Variants in SCGB1D2 observed in about 807,000 individuals in gnomAD.
SCGB1D2 encodes lipophilin-B.
In SCGB1D2, 10 loss-of-function variants were observed where a neutral mutation model predicts 10.5. The observed-to-expected ratio is 0.95, with a 90% confidence interval of 0.59 to 1.61. The LOEUF is 1.61. SCGB1D2 is among the 40% of genes most tolerant of loss of function. SCGB1D2 has a pLI of 0.00. For missense variants in SCGB1D2, 113 were observed against 103.8 expected, an observed-to-expected ratio of 1.09 and a Z score of -0.38; for synonymous variants, 42 against 42.8, an observed-to-expected ratio of 0.98 and a Z score of 0.08.
intron 2 of SCGB1D2, among the ~76,000 whole-genome samples, chr11:62,244,331 C>T (rs914582037): frequency 5.3e-5 from 8 of 152,140 alleles, no homozygotes; most frequent in Non-Finnish European, 1.2e-4. Flanking sequence ...AGTCCTGGGT[C>T]CCTCACTGCA....
intron 2 of SCGB1D2, 82 bp from the exon 3 acceptor site, chr11:62,244,588 C>A: frequency 7.7e-7 from 1 of 1,305,842 alleles, no homozygotes; most frequent in Admixed American, 1.8e-5. Flanking sequence ...GGGCAGAATC[C>A]CACTGGCCTC....
chr11:62,243,622 G>A (rs1945084057), intron 2 of SCGB1D2, 146 bp downstream of exon 2: 3 of 665,570 alleles, frequency 4.5e-6, no homozygotes, highest in African/African-American at 3.6e-5. Context: ...GGGCCACAGG[G>A]TGGGTGCCAC....
chr11:62,242,584 ATTC>A (rs1945072140), intron 1 of SCGB1D2, among the ~76,000 whole-genome samples: 1 of 152,204 alleles, frequency 6.6e-6, no homozygotes, highest in Admixed American at 6.5e-5. Context: ...AATATTAGGA[ATTC>A]TTCTGCCTGA....
intron 1 of SCGB1D2, among the ~76,000 whole-genome samples, chr11:62,243,049 G>A (rs1401760189): frequency 6.6e-6 from 1 of 152,176 alleles, no homozygotes; most frequent in African/African-American, 2.4e-5. Context: ...CCATGATTGA[G>A]CTACTGAATT....
At chr11:62,243,161 A>T in intron 1 of SCGB1D2, 128 bp from the exon 2 acceptor site, 1 of 681,472 alleles carries the variant, frequency 1.5e-6, no homozygotes, top group South Asian at 2.2e-5. Flanking sequence ...AGGGTCTGGC[A>T]TTGTCATCAG....
At chr11:62,242,387 G>C (rs748661408) in intron 1 of SCGB1D2, 25 bp downstream of exon 1, 2 of 1,613,216 alleles carry the variant, frequency 1.2e-6, no homozygotes, top group Non-Finnish European at 1.7e-6. Flanking sequence ...CATGAGTCTA[G>C]CTCCAGCCCC....
chr11:62,244,659 T>C lies in SCGB1D2; in HGVS notation c.244-11T>C. 4 of 1,612,684 alleles carry C rather than the reference T, an allele frequency of 2.5e-6. No individual in the cohort carries two copies. The highest frequency in any genetic ancestry group is 4.5e-5 in the East Asian group (2 of 44,868). The stretch of plus-strand genomic sequence containing the variant: ...ACTGACCCCACCTTCTTTTTTCTTT[T>C]CCTATTTTAGGTGAAAATATTGAAG... On this transcript the variant is annotated splice_polypyrimidine_tract_variant and intron_variant, in intron 2 of 2. Coordinates refer to ENST00000244926, the MANE Select transcript of SCGB1D2 (RefSeq NM_006551.4).
chr11:62,243,403 C>A lies in SCGB1D2; in HGVS notation c.170C>A (p.Ala57Glu), dbSNP rs146321572. 6.2e-7 allele frequency: 1 copy of A among 1,614,134 alleles called. No homozygotes were observed. The highest frequency in any genetic ancestry group is 2.2e-5 in the East Asian group (1 of 44,890). Reference protein sequence around the residue: ...AKFDAPPEAVAAKLGVKRCTD... With the variant: ...AKFDAPPEAVEAKLGVKRCTD... ...TTTGATGCCCCTCCGGAAGCTGTTG[C>A]AGCCAAGTTAGGAGTGAAGAGATGC... is the stretch of plus-strand genomic sequence containing the variant. The change falls in exon 2 of 3, where the codon GCA becomes GAA. Residue 57 changes from alanine (A) to glutamate (E), a missense_variant. Ala to Glu is a moderately radical substitution (Grantham distance 107). Coordinates refer to ENST00000244926, the MANE Select transcript of SCGB1D2 (RefSeq NM_006551.4).
rs1945078783 is a variant in SCGB1D2 at position 62,243,277 on chromosome 11, C to A, written c.56-12C>A. 1 of 1,606,774 alleles carries A rather than the reference C, an allele frequency of 6.2e-7. No homozygotes were observed. Among genetic ancestry groups the A allele is most frequent in the Non-Finnish European group, 8.5e-7 (1 of 1,175,566 alleles). ...TCCTAACATCAACTATATTTTTATTCTTTTGCTGCAGCCAATGCCGAGTTC... is the reference window on the plus strand; with the variant it reads ...TCCTAACATCAACTATATTTTTATTATTTTGCTGCAGCCAATGCCGAGTTC... On this transcript the variant is annotated splice_polypyrimidine_tract_variant and intron_variant, in intron 1 of 2. Transcript: ENST00000244926.
intron 1 of SCGB1D2, 46 bp downstream of exon 1, chr11:62,242,408 C>T: frequency 1.9e-6 from 3 of 1,598,634 alleles, no homozygotes; most frequent in South Asian, 1.1e-5. Flanking sequence ...TGGGAAGCAC[C>T]CTCTTCCAAG....
chr11:62,243,399 G>C lies in SCGB1D2; in HGVS notation c.166G>C (p.Val56Leu). 6.2e-7 allele frequency: 1 copy of C among 1,614,146 alleles called. No homozygotes were observed. Among genetic ancestry groups the C allele is most frequent in the Non-Finnish European group, 8.5e-7 (1 of 1,179,990 alleles). Residue 56 changes from valine (V) to leucine (L), a missense_variant, in exon 2 of 3, where the codon GTT becomes CTT. Physicochemically the swap from Val to Leu is conservative, Grantham distance 32 (BLOSUM62 1). Coordinates refer to ENST00000244926, the MANE Select transcript of SCGB1D2 (RefSeq NM_006551.4). Reference sequence around the variant, plus strand: ...CAAATTTGATGCCCCTCCGGAAGCTGTTGCAGCCAAGTTAGGAGTGAAGAG... The same window carrying C: ...CAAATTTGATGCCCCTCCGGAAGCTCTTGCAGCCAAGTTAGGAGTGAAGAG... ...LAKFDAPPEA[V>L]AAKLGVKRCT...
Position 62,244,681 on chromosome 11 carries a change from G to A in SCGB1D2, c.255G>A (p.Leu85=). ...SLIAEVLVKI[L]KKCSV Reference sequence around the variant, plus strand: ...TTTTCCTATTTTAGGTGAAAATATTGAAGAAATGTAGTGTGTGACATGTAA... The same window carrying A: ...TTTTCCTATTTTAGGTGAAAATATTAAAGAAATGTAGTGTGTGACATGTAA... Residue 85 remains leucine (L), a synonymous_variant, in exon 3 of 3, where the codon TTG becomes TTA. Transcript: ENST00000244926. 6.2e-7 allele frequency: 1 copy of A among 1,613,034 alleles called. No individual in the cohort carries two copies. The highest frequency in any genetic ancestry group is 8.5e-7 in the Non-Finnish European group (1 of 1,179,406).
At position 62,244,697 on chromosome 11, in the gene SCGB1D2, T is replaced by C. The variant is rs1433368277; in HGVS notation, c.271T>C (p.Ter91ArgextTer14). The C allele has an allele frequency of 2.5e-6, 4 of 1,613,084 alleles. No individual in the cohort carries two copies. The highest frequency in any genetic ancestry group is 1.7e-6 in the Non-Finnish European group (2 of 1,179,228). ...LVKILKKCSV[*>R] ...GAAAATATTGAAGAAATGTAGTGTG[T>C]GACATGTAAAAACTTTCATCCTGGT... Residue 91 changes from the stop codon to arginine (R), a stop_lost, in exon 3 of 3, where the codon TGA becomes CGA. Transcript: ENST00000244926.
In SCGB1D2 at chr11:62,242,247, G is replaced by A; in HGVS notation, c.-61G>A. The A allele has an allele frequency of 6.3e-7, 1 of 1,577,890 alleles. No individual in the cohort carries two copies. The highest frequency in any genetic ancestry group is 8.7e-7 in the Non-Finnish European group (1 of 1,147,982). ...GGGCTCTGCAGCTCCACAGGCTCCT[G>A]GGGTGGAGTCCAAATCACTCATTGT... On this transcript the variant is annotated 5_prime_UTR_variant, in exon 1 of 3. Coordinates refer to ENST00000244926, the MANE Select transcript of SCGB1D2 (RefSeq NM_006551.4).
At position 62,242,296 on chromosome 11, in the gene SCGB1D2, A is replaced by G. The variant is rs112301264; in HGVS notation, c.-12A>G. 5.8e-5 allele frequency: 94 copies of G among 1,613,978 alleles called. No individual in the cohort carries two copies. The African/African-American group carries it at 1.2e-3, about 20-fold the overall frequency. Reference sequence around the variant, plus strand: ...GTTTGTGAAAGCTGAGCTCACAGCAAAACAAGCCACCATGAAGCTGTCGGT... The same window carrying G: ...GTTTGTGAAAGCTGAGCTCACAGCAGAACAAGCCACCATGAAGCTGTCGGT... On this transcript the variant is annotated 5_prime_UTR_variant, in exon 1 of 3. Coordinates refer to ENST00000244926, the MANE Select transcript of SCGB1D2 (RefSeq NM_006551.4).
chr11:62,243,793 G>A lies in SCGB1D2; in HGVS notation c.243+317G>A, dbSNP rs546916759. Among the ~76,000 whole-genome samples the A allele has an allele frequency of 1.3e-4, 20 of 152,270 alleles. No individual in the cohort carries two copies. In the South Asian group the frequency reaches 3.1e-3, roughly 24 times the overall value. On this transcript the variant is annotated intron_variant, in intron 2 of 2. Transcript: ENST00000244926. Reference sequence around the variant, plus strand: ...GTAAAGGGCCAAGCATGGCCGCCTCGCTGCTGGGAGCTTTCCTGAGACCAA... The same window carrying A: ...GTAAAGGGCCAAGCATGGCCGCCTCACTGCTGGGAGCTTTCCTGAGACCAA...
rs775271079 is a variant in SCGB1D2, at chr11:62,243,327, T to G, written c.94T>G (p.Leu32Val). 60 of 1,613,976 alleles carry G rather than the reference T, an allele frequency of 3.7e-5. No individual in the cohort carries two copies. Among genetic ancestry groups the G allele is most frequent in the Non-Finnish European group, 5.0e-5 (59 of 1,179,944 alleles). Reference sequence around the variant, plus strand: ...CTGCCCAGCTCTTGTTTCTGAGCTGTTAGACTTCTTCTTCATTAGTGAACC... The same window carrying G: ...CTGCCCAGCTCTTGTTTCTGAGCTGGTAGACTTCTTCTTCATTAGTGAACC... The part of the protein sequence containing the change: ...EFCPALVSEL[L>V]DFFFISEPLF... Residue 32 changes from leucine to valine, a missense_variant, in exon 2 of 3, where the codon TTA (leucine) becomes GTA (valine). Transcript: ENST00000244926.
rs1242776624 is a variant in SCGB1D2, at chr11:62,243,459, C to A, written c.226C>A (p.Leu76Ile). The A allele has an allele frequency of 1.2e-6, 2 of 1,613,184 alleles. No individual in the cohort carries two copies. Among genetic ancestry groups the A allele is most frequent in the Non-Finnish European group, 8.5e-7 (1 of 1,179,524 alleles). The change falls in exon 2 of 3, where the codon CTC (leucine) becomes ATC (isoleucine). Residue 76 changes from leucine to isoleucine, a missense_variant. Physicochemically the swap from Leu to Ile is conservative, Grantham distance 5. Coordinates refer to ENST00000244926, the MANE Select transcript of SCGB1D2 (RefSeq NM_006551.4). ...TDQMSLQKRSLIAEVLVKILK... is the reference protein window; with the variant it reads ...TDQMSLQKRSIIAEVLVKILK... ...TCAGATGTCCCTTCAGAAACGAAGC[C>A]TCATTGCGGAAGTCCTGGTAACTTC...
At chr11:62,244,635 C>A in intron 2 of SCGB1D2, 35 bp from the exon 3 acceptor site, 1 of 1,605,158 alleles carries the variant, frequency 6.2e-7, no homozygotes, top group East Asian at 2.2e-5. Flanking sequence ...AGCAGCATGA[C>A]TGACCCCACC....
Sources: gnomAD v4.1 joint callset for allele counts (sites outside exome capture counted in the v4.1 genomes callset) on GRCh38, gnomAD v4.1.1 for gene constraint, MANE v1.5 for transcripts, NCBI Gene and HGNC (gene_info 2026-07-23, HGNC 2026-07-21) for gene names.